APBB2: variants seen among roughly 807,000 people sequenced by gnomAD.
The protein encoded by APBB2 is amyloid beta precursor protein binding family B member 2, also known as Fe65-like 1.
A neutral mutation model predicts 82.5 loss-of-function variants in APBB2; 38 were observed. That is an observed-to-expected ratio of 0.46 (90% CI 0.36 to 0.60). APBB2 has a LOEUF of 0.60. Ranked by LOEUF, APBB2 falls within the 20% of genes least tolerant of loss-of-function variation. The probability of loss-of-function intolerance (pLI) is 0.00; values close to 1 mark genes in which losing one functional copy is unlikely to be tolerated. For missense variants in APBB2, 772 were observed against 972.3 expected, an observed-to-expected ratio of 0.79 and a Z score of 2.74; for synonymous variants, 341 against 368.2, an observed-to-expected ratio of 0.93 and a Z score of 0.85.
intron 4 of APBB2, among the ~76,000 whole-genome samples, chr4:41,047,057 T>C (rs75995014): frequency 0.021 from 3,199 of 152,322 alleles, 106 homozygotes; most frequent in African/African-American, 0.073. Context: ...CAGAACAGAA[T>C]TGCAAAATTG....
chr4:40,855,396 G>C (rs1316098921), intron 12 of APBB2, among the ~76,000 whole-genome samples: 1 of 152,168 alleles, frequency 6.6e-6, no homozygotes, highest in African/African-American at 2.4e-5. Context: ...TAAACAACGT[G>C]GCGGCTGTTA....
At chr4:41,111,515 A>T (rs1560781145) in intron 2 of APBB2, among the ~76,000 whole-genome samples, 1 of 152,240 alleles carries the variant, frequency 6.6e-6, no homozygotes. Flanking sequence ...TATAACATGT[A>T]GATTGAAATG....
At chr4:40,956,622 GA>G (rs370676938) in intron 6 of APBB2, among the ~76,000 whole-genome samples, 12,597 of 143,160 alleles carry the variant, frequency 0.088, 569 homozygotes, top group Middle Eastern at 0.14. Flanking sequence ...TTAAAAAAAA[GA>G]AAAAAAAAAA....
intron 6 of APBB2, among the ~76,000 whole-genome samples, chr4:40,956,620 A>G (rs1460847285): frequency 6.6e-6 from 1 of 150,416 alleles, no homozygotes; most frequent in African/African-American, 2.4e-5. Context: ...GTTTAAAAAA[A>G]AGAAAAAAAA....
chr4:41,087,618 T>C (rs12512587), intron 3 of APBB2, among the ~76,000 whole-genome samples: 30,723 of 151,168 alleles, frequency 0.2, 3,260 homozygotes, highest in African/African-American at 0.27. Flanking sequence ...TTAGTAGAGA[T>C]GGGGTTTCAC....
At chr4:41,012,478 C>T (rs188178971) in intron 6 of APBB2, among the ~76,000 whole-genome samples, 10 of 152,106 alleles carry the variant, frequency 6.6e-5, no homozygotes, top group African/African-American at 2.2e-4. Context: ...GATGAAATGG[C>T]CTCATCTCAA....
At chr4:41,051,627 C>T (rs898063114) in intron 4 of APBB2, among the ~76,000 whole-genome samples, 1 of 152,184 alleles carries the variant, frequency 6.6e-6, no homozygotes, top group African/African-American at 2.4e-5. Context: ...CTCATCCTTT[C>T]ATTTCCACGG....
intron 1 of APBB2, among the ~76,000 whole-genome samples, chr4:41,152,945 T>G (rs181825283): frequency 6.6e-6 from 1 of 152,338 alleles, no homozygotes; most frequent in East Asian, 1.9e-4. Flanking sequence ...CCACAATGCT[T>G]GGGACCAGAA....
intron 4 of APBB2, among the ~76,000 whole-genome samples, chr4:41,038,872 T>C (rs1454225968): frequency 6.6e-6 from 1 of 152,234 alleles, no homozygotes; most frequent in African/African-American, 2.4e-5. Context: ...GCAGTCGTAA[T>C]AAACAGGTAT....
chr4:40,912,736 C>A (rs1161991679), intron 10 of APBB2, among the ~76,000 whole-genome samples: 1 of 152,156 alleles, frequency 6.6e-6, no homozygotes, highest in Non-Finnish European at 1.5e-5. Flanking sequence ...CCAAGCAAAT[C>A]TGAGTGTGTG....
chr4:41,069,304 C>T (rs1377634494), intron 3 of APBB2, among the ~76,000 whole-genome samples: 2 of 152,208 alleles, frequency 1.3e-5, no homozygotes, highest in African/African-American at 4.8e-5. Flanking sequence ...CTCCTGAACG[C>T]TTTTCCATCT....
chr4:41,156,989 C>A (rs984743631), intron 1 of APBB2, among the ~76,000 whole-genome samples: 23 of 151,360 alleles, frequency 1.5e-4, no homozygotes, highest in Admixed American at 1.5e-3. Flanking sequence ...TCGCTTGAAC[C>A]CAGGAGGCAG....
At chr4:40,862,720 G>A (rs535012468) in intron 12 of APBB2, among the ~76,000 whole-genome samples, 5 of 152,116 alleles carry the variant, frequency 3.3e-5, no homozygotes, top group East Asian at 3.9e-4. Flanking sequence ...TTAGCCAGGC[G>A]TGGTGGCAGG....
At chr4:40,982,277 AGAAAGAAGGAAGGAAGGAAGGAAG>A (rs1374645767) in intron 6 of APBB2, among the ~76,000 whole-genome samples, 5 of 25,708 alleles carry the variant, frequency 1.9e-4, no homozygotes, top group African/African-American at 3.4e-4. Context: ...AAAGAAAGAA[AGAAAGAAGGAAGGAAGGAAGGAAG>A]GAAGGAAAGA....
At chr4:40,853,378 C>T (rs1760111481) in intron 12 of APBB2, among the ~76,000 whole-genome samples, 1 of 145,190 alleles carries the variant, frequency 6.9e-6, no homozygotes, top group Non-Finnish European at 1.6e-5. Context: ...TGTCCCCACC[C>T]ACCTCTTCCA....
intron 1 of APBB2, among the ~76,000 whole-genome samples, chr4:41,167,319 A>G (rs1276094346): frequency 6.6e-6 from 1 of 152,056 alleles, no homozygotes; most frequent in Non-Finnish European, 1.5e-5. Flanking sequence ...AATCCTTCTC[A>G]TCTCCCTCGA....
At chr4:40,982,223 AAAGAAAGAAAGAAAG>A (rs1560445195) in intron 6 of APBB2, among the ~76,000 whole-genome samples, 31 of 6,244 alleles carry the variant, frequency 5.0e-3, no homozygotes, top group Middle Eastern at 0.1. Flanking sequence ...AAAAGAAAGG[AAAGAAAGAAAGAAAG>A]AAAGAAAGAA....
chr4:41,065,150 C>A (rs966290732), intron 4 of APBB2, among the ~76,000 whole-genome samples: 1 of 151,616 alleles, frequency 6.6e-6, no homozygotes, highest in Non-Finnish European at 1.5e-5. Context: ...TAGCCAGGCA[C>A]GGTGGCACAT....
At chr4:41,166,179 C>T (rs779796552) in intron 1 of APBB2, among the ~76,000 whole-genome samples, 7 of 152,030 alleles carry the variant, frequency 4.6e-5, no homozygotes, top group Non-Finnish European at 7.4e-5. Context: ...AAAGTACCCA[C>T]TTTCTGCTCC....
Sources: gnomAD v4.1 joint callset for allele counts (sites outside exome capture counted in the v4.1 genomes callset) on GRCh38, gnomAD v4.1.1 for gene constraint, MANE v1.5 for transcripts, NCBI Gene and HGNC (gene_info 2026-07-23, HGNC 2026-07-21) for gene names.